Variants in GRM5 observed in about 807,000 individuals in gnomAD.
The protein encoded by GRM5 is metabotropic glutamate receptor 5.
Under a neutral mutation model 83.1 loss-of-function variants are expected in GRM5, and 19 were observed. The ratio of observed to expected loss-of-function variants is 0.23; its 90% CI spans 0.16 to 0.34. The LOEUF (loss-of-function observed/expected upper bound fraction) is 0.34, where lower values mean the gene tolerates loss of function less well. Among genes scored for constraint, GRM5 ranks in the 10% least tolerant of loss-of-function variants. The pLI is 1.00. For synonymous variants in GRM5, 675 were observed against 633.6 expected, an observed-to-expected ratio of 1.07 and a Z score of -0.98; for missense variants, 1,160 against 1,588.3, an observed-to-expected ratio of 0.73 and a Z score of 4.58.
intron 8 of GRM5, among the ~76,000 whole-genome samples, chr11:88,526,538 C>T (rs1941881415): frequency 6.6e-6 from 1 of 152,106 alleles, no homozygotes; most frequent in East Asian, 1.9e-4. Context: ...TGGTATAACA[C>T]CACTTCATCC....
chr11:88,922,175 G>A (rs4121375), intron 2 of GRM5, among the ~76,000 whole-genome samples: 2 of 152,082 alleles, frequency 1.3e-5, no homozygotes, highest in African/African-American at 2.4e-5. Context: ...AGCAATCTGC[G>A]ATTCAAAGAA....
At chr11:88,931,317 G>C (rs1433608624) in intron 2 of GRM5, among the ~76,000 whole-genome samples, 1 of 151,796 alleles carries the variant, frequency 6.6e-6, no homozygotes, top group South Asian at 2.1e-4. Context: ...CTACATAATT[G>C]AGTAAAATAT....
chr11:88,753,543 A>G (rs575303618), intron 3 of GRM5, among the ~76,000 whole-genome samples: 44 of 152,284 alleles, frequency 2.9e-4, no homozygotes, highest in Admixed American at 2.4e-3. Context: ...AGGCAGAAAT[A>G]TCATTTGACC....
At chr11:89,057,370 C>A (rs532571845) in intron 1 of GRM5, among the ~76,000 whole-genome samples, 4 of 152,058 alleles carry the variant, frequency 2.6e-5, no homozygotes, top group Non-Finnish European at 5.9e-5. Flanking sequence ...ATTTGTGACC[C>A]TGTAAACAAG....
chr11:89,012,900 T>A (rs1382241849), intron 2 of GRM5, among the ~76,000 whole-genome samples: 1 of 152,248 alleles, frequency 6.6e-6, no homozygotes, highest in Non-Finnish European at 1.5e-5. Flanking sequence ...ACAGAGAACT[T>A]GTTTCCTATT....
intron 3 of GRM5, among the ~76,000 whole-genome samples, chr11:88,714,164 A>ATAAC (rs1379765650): frequency 6.6e-6 from 1 of 152,050 alleles, no homozygotes; most frequent in Non-Finnish European, 1.5e-5. Context: ...GGCATAGAGA[A>ATAAC]TAACTTTTGG....
chr11:88,521,158 C>T (rs1394504909), intron 9 of GRM5, among the ~76,000 whole-genome samples: 1 of 152,128 alleles, frequency 6.6e-6, no homozygotes, highest in Non-Finnish European at 1.5e-5. Flanking sequence ...TGGCTCACGC[C>T]TGTAATCCCA....
chr11:88,781,664 C>T (rs1942979192), intron 3 of GRM5, among the ~76,000 whole-genome samples: 1 of 152,210 alleles, frequency 6.6e-6, no homozygotes, highest in African/African-American at 2.4e-5. Context: ...TGTTCTGCTG[C>T]TCTGTGACTT....
intron 2 of GRM5, among the ~76,000 whole-genome samples, chr11:88,878,649 TTAGGTGGCTAAG>T (rs1944898343): frequency 6.6e-6 from 1 of 152,142 alleles, no homozygotes; most frequent in Non-Finnish European, 1.5e-5. Flanking sequence ...CCAAAATCCA[TTAGGTGGCTAAG>T]TAGGAGAAAG....
intron 2 of GRM5, among the ~76,000 whole-genome samples, chr11:88,982,643 CAAT>C (rs1243721178): frequency 6.6e-6 from 1 of 151,996 alleles, no homozygotes; most frequent in African/African-American, 2.4e-5. Flanking sequence ...TATACACACA[CAAT>C]AAATCTTTAA....
chr11:88,592,801 G>A (rs559231858), intron 6 of GRM5, among the ~76,000 whole-genome samples: 2 of 152,184 alleles, frequency 1.3e-5, no homozygotes, highest in African/African-American at 4.8e-5. Flanking sequence ...GGAAGTAGTG[G>A]TGCTTTCTTT....
chr11:88,544,789 T>C (rs1267880941), intron 8 of GRM5, among the ~76,000 whole-genome samples: 3 of 152,196 alleles, frequency 2.0e-5, no homozygotes, highest in African/African-American at 7.2e-5. Flanking sequence ...CTGAAACTCA[T>C]TACAAGAGGA....
intron 3 of GRM5, among the ~76,000 whole-genome samples, chr11:88,754,369 C>G (rs1283207061): frequency 6.6e-6 from 1 of 152,058 alleles, no homozygotes; most frequent in African/African-American, 2.4e-5. Context: ...AGCAAACCAC[C>G]ATGGCACTTG....
intron 7 of GRM5, among the ~76,000 whole-genome samples, chr11:88,581,047 G>A (rs1309417251): frequency 6.6e-6 from 1 of 152,190 alleles, no homozygotes; most frequent in Non-Finnish European, 1.5e-5. Flanking sequence ...GGCGGAGGTT[G>A]CAGTGAGCTG....
chr11:88,634,509 C>T (rs548102336), intron 4 of GRM5, among the ~76,000 whole-genome samples: 4 of 152,036 alleles, frequency 2.6e-5, no homozygotes, highest in Non-Finnish European at 5.9e-5. Context: ...TACCTACACA[C>T]ATTAGCCTAG....
intron 8 of GRM5, among the ~76,000 whole-genome samples, chr11:88,559,284 G>T (rs1389122840): frequency 6.6e-6 from 1 of 152,124 alleles, no homozygotes; most frequent in African/African-American, 2.4e-5. Context: ...CCTTGGCGGG[G>T]AGTTCTACTC....
intron 1 of GRM5, among the ~76,000 whole-genome samples, chr11:89,061,480 T>A (rs1460075784): frequency 6.6e-6 from 1 of 152,236 alleles, no homozygotes; most frequent in Non-Finnish European, 1.5e-5. Context: ...ATTATTAAAA[T>A]GCTTTAGTCA....
chr11:88,656,031 C>T (rs1939760101), intron 3 of GRM5, among the ~76,000 whole-genome samples: 1 of 152,062 alleles, frequency 6.6e-6, no homozygotes, highest in Non-Finnish European at 1.5e-5. Flanking sequence ...GATAGGGCAT[C>T]TTTAAGTATG....
intron 3 of GRM5, among the ~76,000 whole-genome samples, chr11:88,780,805 C>T (rs10831424): frequency 6.6e-6 from 1 of 152,002 alleles, no homozygotes; most frequent in East Asian, 1.9e-4. Context: ...CACGAGCCAC[C>T]ATGCCAGACC....
Sources: gnomAD v4.1 joint callset for allele counts (sites outside exome capture counted in the v4.1 genomes callset) on GRCh38, gnomAD v4.1.1 for gene constraint, MANE v1.5 for transcripts, NCBI Gene and HGNC (gene_info 2026-07-23, HGNC 2026-07-21) for gene names.